Variants in SLC6A17 observed in about 807,000 individuals in gnomAD.
SLC6A17 encodes solute carrier family 6 member 17.
Under a neutral mutation model 64.5 loss-of-function variants are expected in SLC6A17, and 21 were observed. The ratio of observed to expected loss-of-function variants is 0.33; its 90% CI spans 0.23 to 0.47. The LOEUF is 0.47. Ranked by LOEUF, SLC6A17 falls within the 20% of genes least tolerant of loss-of-function variation. The pLI, the probability that SLC6A17 is intolerant of heterozygous loss-of-function variation, is 1.00. For synonymous variants in SLC6A17, 372 were observed against 399.5 expected (o/e 0.93, Z 0.82); for missense variants, 682 against 963.2 (o/e 0.71, Z 3.86).
rs1019826859 is a variant in SLC6A17, at chr1:110,153,550, T to TGTGTGTGTGTGTGC, written c.-88+2668_-88+2669insTGTGTGTGTGTGCG. Among the ~76,000 whole-genome samples, 11 of 151,816 alleles carry TGTGTGTGTGTGTGC rather than the reference T, an allele frequency of 7.2e-5. No individual in the cohort carries two copies. In the South Asian group the frequency reaches 1.7e-3, roughly 23 times the overall value. On this transcript the variant is annotated intron_variant, in intron 1 of 11. Coordinates refer to ENST00000331565, the MANE Select transcript of SLC6A17 (RefSeq NM_001010898.4). The stretch of plus-strand genomic sequence containing the variant: ...GTGTGTGTGTGTGTGTGTGTGTGTG[T>TGTGTGTGTGTGTGC]GCATTGCATTCACCATTCATTCTGT...
In SLC6A17 at chr1:110,160,080, TC is replaced by T. The variant is rs1334515951; in HGVS notation, c.-87-6762del. Among the ~76,000 whole-genome samples, 5 of 152,358 alleles carry T rather than the reference TC, an allele frequency of 3.3e-5. No individual in the cohort carries two copies. In the East Asian group the frequency reaches 7.7e-4, roughly 24 times the overall value. On this transcript the variant is annotated intron_variant, in intron 1 of 11. Transcript: ENST00000331565. ...TTCATTTGATTTTTCAATAAGCTTT[TC>T]TTTCTCTTTCTCCTTCCATCCATGT...
chr1:110,178,958 A>T (rs1656442745), intron 6 of SLC6A17, among the ~76,000 whole-genome samples: 2 of 152,354 alleles, frequency 1.3e-5, no homozygotes, highest in East Asian at 3.9e-4. Context: ...GAAATTTGTT[A>T]TACATATATG....
At chr1:110,169,668 G>A (rs761622165) in intron 2 of SLC6A17, among the ~76,000 whole-genome samples, 48 of 152,222 alleles carry the variant, frequency 3.2e-4, no homozygotes, top group Non-Finnish European at 5.3e-4. Context: ...CCTGGATCCT[G>A]GCCCTGTCCT....
intron 2 of SLC6A17, among the ~76,000 whole-genome samples, chr1:110,170,759 C>T (rs2101845863): frequency 6.6e-6 from 1 of 152,090 alleles, no homozygotes; most frequent in African/African-American, 2.4e-5. Flanking sequence ...GGGTTGCCTC[C>T]CCGATGGGCT....
chr1:110,175,695 T>G (rs886346951), intron 5 of SLC6A17, among the ~76,000 whole-genome samples: 29 of 152,310 alleles, frequency 1.9e-4, no homozygotes, highest in Non-Finnish European at 2.9e-4. Flanking sequence ...CCTGGCTGTT[T>G]GAGGCTTCGG....
intron 2 of SLC6A17, chr1:110,168,299 T>C (rs1248508428): frequency 6.6e-6 from 1 of 152,232 alleles, no homozygotes; most frequent in Non-Finnish European, 1.5e-5. Flanking sequence ...TCTTGCCATG[T>C]AACCTTTTCC....
chr1:110,190,348 G>C (rs1656791755), intron 6 of SLC6A17, among the ~76,000 whole-genome samples: 6 of 152,124 alleles, frequency 3.9e-5, no homozygotes, highest in Non-Finnish European at 8.8e-5. Context: ...CTCCATTTGT[G>C]CCCAGGCCCT....
At chr1:110,155,494 G>C (rs1170110968) in intron 1 of SLC6A17, among the ~76,000 whole-genome samples, 1 of 152,174 alleles carries the variant, frequency 6.6e-6, no homozygotes, top group Non-Finnish European at 1.5e-5. Context: ...GGCTGCCTGA[G>C]TCCCTAACTA....
intron 1 of SLC6A17, among the ~76,000 whole-genome samples, chr1:110,158,765 GTC>G (rs1655825147): frequency 6.6e-6 from 1 of 152,224 alleles, no homozygotes; most frequent in Non-Finnish European, 1.5e-5. Flanking sequence ...TCCAGGGTCA[GTC>G]TGTCAGTGCA....
In SLC6A17 at chr1:110,201,386, C is replaced by G. The variant is rs1024987106; in HGVS notation, c.*2942C>G. On this transcript the variant is annotated 3_prime_UTR_variant, in exon 12 of 12. Coordinates refer to ENST00000331565, the MANE Select transcript of SLC6A17 (RefSeq NM_001010898.4). ...TTCACAGGGTCCCCACCCCCACTGGCTTTGGTGCTGTCCACACAGTGCCCA... is the reference window on the plus strand; with the variant it reads ...TTCACAGGGTCCCCACCCCCACTGGGTTTGGTGCTGTCCACACAGTGCCCA... The G allele has an allele frequency of 6.6e-6, 1 of 152,348 alleles. No homozygotes were observed. Among genetic ancestry groups the G allele is most frequent in the African/African-American group, 2.4e-5 (1 of 41,428 alleles). The allele number at this position is 152,348 out of a possible 1,614,324, so 9.4% of individuals were successfully genotyped here.
intron 2 of SLC6A17, 125 bp downstream of exon 2, chr1:110,167,340 A>T (rs965719793): frequency 8.2e-7 from 1 of 1,214,698 alleles, no homozygotes; most frequent in Admixed American, 2.8e-5. Flanking sequence ...AGGATTCCAG[A>T]GTAAGACAGC....
intron 1 of SLC6A17, among the ~76,000 whole-genome samples, chr1:110,153,322 C>T (rs1655656274): frequency 6.6e-6 from 1 of 152,140 alleles, no homozygotes; most frequent in Admixed American, 6.5e-5. Context: ...ACTGGCCTCT[C>T]CTGGAAAGGA....
chr1:110,189,564 C>T (rs921296671), intron 6 of SLC6A17, among the ~76,000 whole-genome samples: 1 of 152,192 alleles, frequency 6.6e-6, no homozygotes, highest in African/African-American at 2.4e-5. Flanking sequence ...GATTGTGTCC[C>T]CACTTCTTTA....
chr1:110,177,604 G>A (rs1656407919), intron 6 of SLC6A17: 1 of 152,300 alleles, frequency 6.6e-6, no homozygotes, highest in Non-Finnish European at 1.5e-5. Flanking sequence ...TGGTCAGGCT[G>A]AGAGTCCATC....
At chr1:110,178,906 C>G (rs1421253924) in intron 6 of SLC6A17, among the ~76,000 whole-genome samples, 2 of 152,210 alleles carry the variant, frequency 1.3e-5, no homozygotes, top group African/African-American at 4.8e-5. Context: ...TTATAGCAAC[C>G]ACTTTCCTGA....
At chr1:110,189,082 T>C (rs2100944793) in intron 6 of SLC6A17, among the ~76,000 whole-genome samples, 1 of 152,310 alleles carries the variant, frequency 6.6e-6, no homozygotes, top group Non-Finnish European at 1.5e-5. Flanking sequence ...AGGAGCAGGC[T>C]TTTGCTTCTT....
chr1:110,161,425 T>G (rs1655906325), intron 1 of SLC6A17, among the ~76,000 whole-genome samples: 1 of 152,030 alleles, frequency 6.6e-6, no homozygotes, highest in Non-Finnish European at 1.5e-5. Flanking sequence ...TCAGGGTGCC[T>G]GTTGGAACAC....
rs369228913 is a variant in SLC6A17 at position 110,195,744 on chromosome 1, A to G, written c.1651A>G (p.Lys551Glu). The change falls in exon 10 of 12, where the codon AAG becomes GAG. Residue 551 changes from lysine to glutamate, a missense_variant and splice_region_variant. Physicochemically the swap from Lys to Glu is moderately conservative, Grantham distance 56. This residue lies in a region of SLC6A17 where 264 missense variants were observed against 339.5 expected (regional missense o/e 0.78). Coordinates refer to ENST00000331565, the MANE Select transcript of SLC6A17 (RefSeq NM_001010898.4). ...TGTGGCCTGGATTTATGGAACCAAG[A>G]AGTAAGAGGAACATGGGGGAAAGGT... ...IAVAWIYGTK[K>E]FMQELTEMLG... 1.2e-6 allele frequency: 2 copies of G among 1,613,974 alleles called. No individual in the cohort carries two copies. Among genetic ancestry groups the G allele is most frequent in the African/African-American group, 2.7e-5 (2 of 74,912 alleles).
intron 1 of SLC6A17, among the ~76,000 whole-genome samples, chr1:110,153,219 C>T (rs1655653759): frequency 6.6e-6 from 1 of 152,278 alleles, no homozygotes; most frequent in Admixed American, 6.5e-5. Flanking sequence ...TCAGGGGTCA[C>T]TTCTCTTTGT....
Sources: gnomAD v4.1 joint callset for allele counts (sites outside exome capture counted in the v4.1 genomes callset) on GRCh38, gnomAD v4.1.1 for gene constraint, gnomAD v4.1.1 regional missense constraint, MANE v1.5 for transcripts, NCBI Gene and HGNC (gene_info 2026-07-23, HGNC 2026-07-21) for gene names.